CXCL13: variants seen among roughly 807,000 people sequenced by gnomAD.
CXCL13 encodes C-X-C motif chemokine 13.
Under a neutral mutation model 12.2 loss-of-function variants are expected in CXCL13, and 7 were observed. The ratio of observed to expected loss-of-function variants is 0.57; its 90% CI spans 0.33 to 1.07. CXCL13 has a LOEUF of 1.07. Ranked by LOEUF, CXCL13 falls within the 50% of genes least tolerant of loss-of-function variation. The pLI, the probability that CXCL13 is intolerant of heterozygous loss-of-function variation, is 0.04. For synonymous variants in CXCL13, 47 were observed against 42.4 expected (o/e 1.11, Z -0.42); for missense variants, 113 against 127.4 (o/e 0.89, Z 0.55).
intron 1 of CXCL13, among the ~76,000 whole-genome samples, chr4:77,562,105 T>G (rs1219121613): frequency 2.6e-5 from 4 of 152,026 alleles, no homozygotes; most frequent in Admixed American, 2.6e-4. Flanking sequence ...TGCCTCCCTG[T>G]GGGGAAGGCC....
intron 1 of CXCL13, among the ~76,000 whole-genome samples, chr4:77,538,130 G>A (rs1215903928): frequency 6.6e-6 from 1 of 152,140 alleles, no homozygotes; most frequent in Non-Finnish European, 1.5e-5. Context: ...CTAAAACCAA[G>A]ATACCTCTGG....
At chr4:77,599,666 G>A (rs1016826909) in intron 1 of CXCL13, among the ~76,000 whole-genome samples, 1 of 152,196 alleles carries the variant, frequency 6.6e-6, no homozygotes, top group African/African-American at 2.4e-5. Context: ...AAAGGGATGA[G>A]GCAGCAGAGG....
chr4:77,531,981 G>A (rs1469943888), intron 1 of CXCL13, among the ~76,000 whole-genome samples: 2 of 152,132 alleles, frequency 1.3e-5, no homozygotes, highest in African/African-American at 2.4e-5. Context: ...GCACACTGAC[G>A]CGTCTTGACT....
chr4:77,559,776 G>A (rs947153816), intron 1 of CXCL13, among the ~76,000 whole-genome samples: 14 of 151,968 alleles, frequency 9.2e-5, no homozygotes, highest in African/African-American at 3.4e-4. Context: ...CAAAAAATTA[G>A]TCGGGCATGG....
chr4:77,513,281 C>G (rs1400314435), intron 1 of CXCL13, among the ~76,000 whole-genome samples: 1 of 152,100 alleles, frequency 6.6e-6, no homozygotes, highest in Non-Finnish European at 1.5e-5. Flanking sequence ...ATTTATAATC[C>G]TTTGGGCATA....
upstream of CXCL13, among the ~76,000 whole-genome samples, chr4:77,602,065 A>G (rs1726890071): frequency 6.6e-6 from 1 of 152,218 alleles, no homozygotes; most frequent in Non-Finnish European, 1.5e-5. Flanking sequence ...TCTCAATTGT[A>G]TCACAGTGAC....
chr4:77,554,015 A>G (rs1485665750), intron 1 of CXCL13, among the ~76,000 whole-genome samples: 1 of 152,170 alleles, frequency 6.6e-6, no homozygotes, highest in African/African-American at 2.4e-5. Flanking sequence ...CACTGTAGTA[A>G]CCATTTTACA....
At chr4:77,522,810 G>A (rs1724644816) in intron 1 of CXCL13, among the ~76,000 whole-genome samples, 1 of 151,904 alleles carries the variant, frequency 6.6e-6, no homozygotes, top group African/African-American at 2.4e-5. Flanking sequence ...AGCATCGATG[G>A]TCTTTACTAT....
rs559278567 is a variant in CXCL13 at position 77,550,216 on chromosome 4, G to A, written c.-43+38428G>A. 2.6e-5 allele frequency among the ~76,000 whole-genome samples: 4 copies of A among 152,334 alleles called. No individual in the cohort carries two copies. The East Asian group carries it at 5.8e-4, about 22-fold the overall frequency. On this transcript the variant is annotated intron_variant, in intron 1 of 4. Coordinates refer to the CXCL13 transcript ENST00000286758. The stretch of plus-strand genomic sequence containing the variant: ...ATTGGAAAGGCATGTTATTAGGGCA[G>A]GAGTGTCCTGGTTTTCCAGGTATGG...
At chr4:77,512,145 T>G (rs893198515) in intron 1 of CXCL13, among the ~76,000 whole-genome samples, 1 of 152,194 alleles carries the variant, frequency 6.6e-6, no homozygotes, top group African/African-American at 2.4e-5. Flanking sequence ...TACTTCCATA[T>G]TATTCAATGA....
intron 1 of CXCL13, among the ~76,000 whole-genome samples, chr4:77,545,124 G>A (rs1560521400): frequency 6.6e-6 from 1 of 151,466 alleles, no homozygotes; most frequent in Non-Finnish European, 1.5e-5. Flanking sequence ...TTTGGTAATA[G>A]TACTATGCTG....
intron 1 of CXCL13, among the ~76,000 whole-genome samples, chr4:77,522,651 G>A (rs1724640739): frequency 6.7e-6 from 1 of 148,958 alleles, no homozygotes; most frequent in Non-Finnish European, 1.5e-5. Context: ...AATGGGTCTT[G>A]TTTCTTTATC....
At chr4:77,530,778 G>A (rs931273520) in intron 1 of CXCL13, among the ~76,000 whole-genome samples, 15 of 152,010 alleles carry the variant, frequency 9.9e-5, no homozygotes, top group Admixed American at 2.0e-4. Flanking sequence ...ATTTCCTTCA[G>A]TTCTGCTCTG....
intron 1 of CXCL13, among the ~76,000 whole-genome samples, chr4:77,579,863 T>C (rs1472834137): frequency 2.0e-5 from 3 of 152,228 alleles, no homozygotes; most frequent in Non-Finnish European, 4.4e-5. Flanking sequence ...TTGCCTGTTA[T>C]GAGCAATGCT....
intron 1 of CXCL13, among the ~76,000 whole-genome samples, chr4:77,565,898 G>A (rs1424845006): frequency 6.6e-6 from 1 of 152,234 alleles, no homozygotes; most frequent in African/African-American, 2.4e-5. Context: ...TTTTCCAAGA[G>A]AAGATGATAT....
chr4:77,564,363 G>T (rs1012360617), intron 1 of CXCL13, among the ~76,000 whole-genome samples: 4 of 152,224 alleles, frequency 2.6e-5, no homozygotes, highest in African/African-American at 9.6e-5. Context: ...GCACAGATGG[G>T]ATGGCTAAGA....
chr4:77,585,791 C>T (rs535237856), intron 1 of CXCL13, among the ~76,000 whole-genome samples: 1 of 152,276 alleles, frequency 6.6e-6, no homozygotes, highest in Non-Finnish European at 1.5e-5. Context: ...CTATAATAGG[C>T]CCCAAAGCAG....
intron 1 of CXCL13, among the ~76,000 whole-genome samples, chr4:77,558,737 G>T (rs1335537983): frequency 6.6e-6 from 1 of 152,196 alleles, no homozygotes; most frequent in African/African-American, 2.4e-5. Flanking sequence ...CATACCACGT[G>T]TCAGGGTCTT....
At chr4:77,604,048 C>T (rs988957404), upstream of CXCL13, among the ~76,000 whole-genome samples, 1 of 152,172 alleles carries the variant, frequency 6.6e-6, no homozygotes. Flanking sequence ...GTGGCCTACT[C>T]AACTCTCTCT....
Sources: gnomAD v4.1 joint callset for allele counts (sites outside exome capture counted in the v4.1 genomes callset) on GRCh38, gnomAD v4.1.1 for gene constraint, MANE v1.5 for transcripts, NCBI Gene and HGNC (gene_info 2026-07-23, HGNC 2026-07-21) for gene names.